RFC3: variants seen among roughly 807,000 people sequenced by gnomAD.
The protein encoded by RFC3 is replication factor C subunit 3.
RFC3 carries 41 observed loss-of-function variants against 45.1 expected under a neutral mutation model. The observed-to-expected ratio is 0.91, with a 90% CI of 0.71 to 1.18. The LOEUF is 1.18. Ranked by LOEUF, RFC3 falls within the 50% of genes most tolerant of loss-of-function variation. The probability of loss-of-function intolerance (pLI) is 0.00; values close to 1 mark genes in which losing one functional copy is unlikely to be tolerated. For synonymous variants in RFC3, 149 were observed against 144.0 expected, an observed-to-expected ratio of 1.03 and a Z score of -0.25; for missense variants, 423 against 428.1, an observed-to-expected ratio of 0.99 and a Z score of 0.10.
At chr13:33,975,325 A>G in the RFC3 span, among the ~76,000 whole-genome samples, 4 of 152,224 alleles carry the variant, frequency 2.6e-5, no homozygotes, top group Non-Finnish European at 4.4e-5. Context: ...ACATGACTAT[A>G]TGGAAGAGGC....
intron 8 of RFC3, among the ~76,000 whole-genome samples, chr13:33,908,672 C>G (rs2082686674): frequency 6.6e-6 from 1 of 150,750 alleles, no homozygotes; most frequent in Non-Finnish European, 1.5e-5. Context: ...GGAATTGTCT[C>G]AAGAAATATG....
At chr13:33,939,041 A>G (rs2082907088) in intron 8 of RFC3, among the ~76,000 whole-genome samples, 1 of 152,096 alleles carries the variant, frequency 6.6e-6, no homozygotes, top group Non-Finnish European at 1.5e-5. Context: ...CTTCTCATGT[A>G]TGTATTGATT....
downstream of RFC3, among the ~76,000 whole-genome samples, chr13:33,841,493 T>C (rs1311037640): frequency 6.6e-6 from 1 of 152,234 alleles, no homozygotes; most frequent in African/African-American, 2.4e-5. Context: ...AGTACAGTAC[T>C]GTAGGTGTAA....
In RFC3 at chr13:33,832,592, A is replaced by G. The variant is rs117088799; in HGVS notation, c.809+1238A>G. Among the ~76,000 whole-genome samples the G allele has an allele frequency of 3.8e-3, 576 of 152,274 alleles. 5 individuals are homozygous for G. The highest frequency in any genetic ancestry group is 4.8e-3 in the Non-Finnish European group (326 of 68,002). On this transcript the variant is annotated intron_variant, in intron 7 of 8. Transcript: ENST00000380071. ...AATTATTTTAGTTGAAGAAATCGAT[A>G]GTTTTCTCCAAGAAGTACCAAATGT... is the stretch of plus-strand genomic sequence containing the variant.
chr13:33,938,728 T>C (rs1190626893), intron 8 of RFC3, among the ~76,000 whole-genome samples: 1 of 152,200 alleles, frequency 6.6e-6, no homozygotes, highest in Non-Finnish European at 1.5e-5. Context: ...TCAACATTTT[T>C]GTACATATCC....
intron 8 of RFC3, among the ~76,000 whole-genome samples, chr13:33,901,230 T>C (rs1475371343): frequency 6.6e-6 from 1 of 152,038 alleles, no homozygotes; most frequent in Non-Finnish European, 1.5e-5. Context: ...TTTGAGGAAA[T>C]GTCTGCATTC....
chr13:33,896,298 TA>T (rs927029573), intron 8 of RFC3, among the ~76,000 whole-genome samples: 4 of 152,028 alleles, frequency 2.6e-5, no homozygotes, highest in African/African-American at 7.2e-5. Context: ...CAAATAGATG[TA>T]AATATACAGG....
rs761428256 is a variant in RFC3 at position 33,821,183 on chromosome 13, G to A, written c.139G>A (p.Gly47Arg). ...HLLVYGPSGA[G>R]KKTRIMCILR... ...GTTAGTGTACGGACCATCAGGTGCT[G>A]GAAAAAAGACAAGAATTATGTGTAT... Residue 47 changes from glycine to arginine, a missense_variant, in exon 2 of 9, where the codon GGA (glycine) becomes AGA (arginine). Coordinates refer to ENST00000380071, the MANE Select transcript of RFC3 (RefSeq NM_002915.4). 2 of 1,613,516 alleles carry A rather than the reference G, an allele frequency of 1.2e-6. No homozygotes were observed. The highest frequency in any genetic ancestry group is 1.7e-6 in the Non-Finnish European group (2 of 1,179,668).
rs3135557 is a variant in RFC3 at position 33,821,589 on chromosome 13, A to G, written c.225+320A>G. On this transcript the variant is annotated intron_variant, in intron 2 of 8. Transcript: ENST00000380071. ...GGTTTCCAGACTTCATTTTTCTGAG[A>G]GCAGTAGTGGGGATGGAAAGAAAGA... 6.7e-3 allele frequency among the ~76,000 whole-genome samples: 1,014 copies of G among 152,286 alleles called. 9 individuals are homozygous for G. Among genetic ancestry groups the G allele is most frequent in the African/African-American group, 0.023 (970 of 41,544 alleles).
chr13:33,948,766 C>T (rs751745640), intron 8 of RFC3, among the ~76,000 whole-genome samples: 1 of 152,156 alleles, frequency 6.6e-6, no homozygotes, highest in African/African-American at 2.4e-5. Context: ...TAATGACTAC[C>T]CTATTGGATT....
rs1454570412 is a variant in RFC3 at position 33,835,602 on chromosome 13, A to G, written c.879+385A>G. 4 of 394,550 alleles carry G rather than the reference A, an allele frequency of 1.0e-5. No individual in the cohort carries two copies. The Admixed American group carries it at 1.1e-4, about 11-fold the overall frequency. 24.4% of individuals were successfully genotyped at this position (394,550 alleles called of 1,614,324 possible). ...ACCACTTTTAACAGACCTCTTTTCT[A>G]TTCACATAGAAACAAGTACGTGTAT... On this transcript the variant is annotated intron_variant, in intron 8 of 8. Coordinates refer to ENST00000380071, the MANE Select transcript of RFC3 (RefSeq NM_002915.4).
At chr13:33,924,705 A>ATG (rs34618705) in intron 8 of RFC3, among the ~76,000 whole-genome samples, 1,553 of 139,818 alleles carry the variant, frequency 0.011, 33 homozygotes, top group Admixed American at 0.054. Flanking sequence ...CATTGTGTGT[A>ATG]TGTGTGTGTG....
intron 8 of RFC3, among the ~76,000 whole-genome samples, chr13:33,856,321 A>G (rs903748975): frequency 5.2e-4 from 79 of 152,138 alleles, no homozygotes; most frequent in Admixed American, 4.5e-3. Flanking sequence ...AACAGCAGAC[A>G]CTGGAGCCCA....
At position 33,931,276 on chromosome 13, in the gene RFC3, C is replaced by A. The variant is rs767813550; in HGVS notation, c.880-34811C>A. On this transcript the variant is annotated intron_variant, in intron 8 of 8. Coordinates refer to the RFC3 transcript ENST00000434425. ...TTTAGTTGTAATGTGGATGGTAGTT[C>A]GTTTCATCTAAACCAGTGGTTCTCA... Among the ~76,000 whole-genome samples the A allele has an allele frequency of 2.4e-4, 37 of 152,212 alleles. 1 individual carries two copies. The highest frequency in any genetic ancestry group is 4.3e-4 in the Non-Finnish European group (29 of 67,994).
chr13:33,882,862 A>T (rs1264460506), intron 8 of RFC3, among the ~76,000 whole-genome samples: 1 of 152,216 alleles, frequency 6.6e-6, no homozygotes, highest in Non-Finnish European at 1.5e-5. Flanking sequence ...AAGTGGGATC[A>T]TACAGGATAT....
At chr13:33,842,737 G>A (rs1555309350) in intron 8 of RFC3, among the ~76,000 whole-genome samples, 1 of 152,180 alleles carries the variant, frequency 6.6e-6, no homozygotes, top group Non-Finnish European at 1.5e-5. Context: ...CTTACTGGTT[G>A]CTTTATATAT....
At chr13:33,874,787 A>G (rs568204326) in intron 8 of RFC3, among the ~76,000 whole-genome samples, 123 of 152,328 alleles carry the variant, frequency 8.1e-4, no homozygotes, top group Non-Finnish European at 1.4e-3. Context: ...TTGCTCCATA[A>G]TGGAAGTAGA....
chr13:33,909,724 T>C (rs1005901487), intron 8 of RFC3, among the ~76,000 whole-genome samples: 28 of 152,100 alleles, frequency 1.8e-4, no homozygotes, highest in African/African-American at 6.0e-4. Flanking sequence ...TTTTGAGCCA[T>C]GCTCCCAGAG....
rs768537923 is a variant in RFC3, at chr13:33,825,779, T to C, written c.294-10T>C. 8.3e-6 allele frequency: 13 copies of C among 1,560,676 alleles called. No homozygotes were observed. Among genetic ancestry groups the C allele is most frequent in the Non-Finnish European group, 1.7e-6 (2 of 1,147,478 alleles). Reference sequence around the variant, plus strand: ...GGCATACTATATACCATTATTTTTGTTTTGTGTAGTGATGCTGGAAATAGT... The same window carrying C: ...GGCATACTATATACCATTATTTTTGCTTTGTGTAGTGATGCTGGAAATAGT... On this transcript the variant is annotated splice_polypyrimidine_tract_variant and intron_variant, in intron 3 of 8. Coordinates refer to ENST00000380071, the MANE Select transcript of RFC3 (RefSeq NM_002915.4).
Sources: gnomAD v4.1 joint callset for allele counts (sites outside exome capture counted in the v4.1 genomes callset) on GRCh38, gnomAD v4.1.1 for gene constraint, MANE v1.5 for transcripts, NCBI Gene and HGNC (gene_info 2026-07-23, HGNC 2026-07-21) for gene names.